Variants in GAP43 observed in about 807,000 individuals in gnomAD.
GAP43 encodes growth associated protein 43, also known as neuromodulin.
A neutral mutation model predicts 18.6 loss-of-function variants in GAP43; 6 were observed. That is an observed-to-expected ratio of 0.32 (90% CI 0.18 to 0.64). The LOEUF (loss-of-function observed/expected upper bound fraction) is 0.64, where lower values mean the gene tolerates loss of function less well. Among genes scored for constraint, GAP43 ranks in the 30% least tolerant of loss-of-function variants. GAP43 has a pLI of 0.78. For missense variants in GAP43, 292 were observed against 295.5 expected, an observed-to-expected ratio of 0.99 and a Z score of 0.09; for synonymous variants, 115 against 111.4, an observed-to-expected ratio of 1.03 and a Z score of -0.20.
chr3:115,693,720 G>A (rs1292556479), intron 2 of GAP43, among the ~76,000 whole-genome samples: 2 of 144,254 alleles, frequency 1.4e-5, no homozygotes, highest in African/African-American at 5.1e-5. Context: ...GAAACCGAAA[G>A]AGAGAAGAGT....
intron 2 of GAP43, among the ~76,000 whole-genome samples, chr3:115,703,475 G>T (rs1709322330): frequency 6.6e-6 from 1 of 152,076 alleles, no homozygotes; most frequent in South Asian, 2.1e-4. Flanking sequence ...TGGAATGCCT[G>T]TTAAAGTAGA....
At chr3:115,651,236 G>A (rs555308987) in intron 1 of GAP43, among the ~76,000 whole-genome samples, 68 of 152,262 alleles carry the variant, frequency 4.5e-4, no homozygotes, top group Non-Finnish European at 5.4e-4. Context: ...AATGAAGCAT[G>A]GTCAGTGGAG....
At chr3:115,707,576 C>T (rs1409454345) in intron 2 of GAP43, among the ~76,000 whole-genome samples, 1 of 152,202 alleles carries the variant, frequency 6.6e-6, no homozygotes, top group African/African-American at 2.4e-5. Context: ...CAGGCATCAG[C>T]CACTGCACTC....
intron 2 of GAP43, among the ~76,000 whole-genome samples, chr3:115,709,937 G>A (rs1021542737): frequency 1.3e-5 from 2 of 150,968 alleles, no homozygotes; most frequent in African/African-American, 2.4e-5. Flanking sequence ...TTTATGGCTC[G>A]ATAACTTTTT....
intron 1 of GAP43, among the ~76,000 whole-genome samples, chr3:115,629,552 CA>C (rs1278033646): frequency 6.6e-6 from 1 of 152,074 alleles, no homozygotes; most frequent in Non-Finnish European, 1.5e-5. Context: ...TCTTTGAAGC[CA>C]TTCTTAACCT....
At chr3:115,669,504 C>T (rs937038517) in intron 1 of GAP43, among the ~76,000 whole-genome samples, 2 of 152,160 alleles carry the variant, frequency 1.3e-5, no homozygotes, top group South Asian at 4.1e-4. Flanking sequence ...GTAAAATAGA[C>T]AAGGTACTTC....
intron 1 of GAP43, among the ~76,000 whole-genome samples, chr3:115,654,570 G>A (rs1371422264): frequency 6.6e-6 from 1 of 152,130 alleles, no homozygotes. Context: ...ATCACACACA[G>A]TCACACTTTC....
chr3:115,678,745 G>GC (rs1708923671), intron 2 of GAP43, among the ~76,000 whole-genome samples: 1 of 151,984 alleles, frequency 6.6e-6, no homozygotes, highest in Non-Finnish European at 1.5e-5. Flanking sequence ...TTTATCATGG[G>GC]CATTCAAAGG....
intron 1 of GAP43, chr3:115,663,671 C>G: frequency 6.9e-7 from 1 of 1,441,622 alleles, no homozygotes; most frequent in Non-Finnish European, 9.1e-7. Context: ...TTTATTTCTA[C>G]TTTTCTATTG....
intron 1 of GAP43, among the ~76,000 whole-genome samples, chr3:115,645,447 T>A (rs1320370017): frequency 1.3e-5 from 2 of 151,950 alleles, no homozygotes; most frequent in African/African-American, 2.4e-5. Flanking sequence ...AGGATCAGAG[T>A]GGAAGTGCTG....
At chr3:115,696,009 C>T in intron 2 of GAP43, among the ~76,000 whole-genome samples, 1 of 152,098 alleles carries the variant, frequency 6.6e-6, no homozygotes, top group Non-Finnish European at 1.5e-5. Flanking sequence ...TGAGTTACCC[C>T]ACAGCTAAGT....
chr3:115,691,674 C>T (rs1028911204), intron 2 of GAP43, among the ~76,000 whole-genome samples: 4 of 152,152 alleles, frequency 2.6e-5, no homozygotes, highest in African/African-American at 9.7e-5. Context: ...AAGAGAGACA[C>T]ATAATGATTT....
chr3:115,688,296 G>T (rs1229721604), intron 2 of GAP43, among the ~76,000 whole-genome samples: 1 of 152,044 alleles, frequency 6.6e-6, no homozygotes, highest in African/African-American at 2.4e-5. Context: ...TGGGATTGTA[G>T]GCATAAGCCA....
chr3:115,706,214 G>A (rs1709361222), intron 2 of GAP43, among the ~76,000 whole-genome samples: 1 of 152,038 alleles, frequency 6.6e-6, no homozygotes. Context: ...GCATCTTACC[G>A]TTTTCCTGAA....
Position 115,685,887 on chromosome 3 carries a change from T to C in GAP43, c.628+9277T>C, listed in dbSNP as rs146875230. On this transcript the variant is annotated intron_variant, in intron 2 of 2. Coordinates refer to ENST00000305124, the MANE Select transcript of GAP43 (RefSeq NM_002045.4). ...GATTCATAAGAGAACCTGGCCCCTATTGGAAGATATGTTAGTTTTCTTTTT... is the reference window on the plus strand; with the variant it reads ...GATTCATAAGAGAACCTGGCCCCTACTGGAAGATATGTTAGTTTTCTTTTT... 4.7e-4 allele frequency among the ~76,000 whole-genome samples: 72 copies of C among 152,306 alleles called. 1 individual carries two copies. Among genetic ancestry groups the C allele is most frequent in the South Asian group, 1.0e-3 (5 of 4,832 alleles).
intron 1 of GAP43, among the ~76,000 whole-genome samples, chr3:115,630,043 C>A (rs1379289691): frequency 2.0e-5 from 3 of 152,128 alleles, no homozygotes; most frequent in East Asian, 3.9e-4. Flanking sequence ...TCCTCCTCGT[C>A]CAACAACCAA....
intron 1 of GAP43, among the ~76,000 whole-genome samples, chr3:115,628,219 T>G (rs1007780486): frequency 6.6e-6 from 1 of 151,992 alleles, no homozygotes; most frequent in Non-Finnish European, 1.5e-5. Flanking sequence ...CTTCTGCTTG[T>G]GCTCTTGCTC....
intron 1 of GAP43, among the ~76,000 whole-genome samples, chr3:115,629,475 C>T (rs1708235281): frequency 6.6e-6 from 1 of 151,606 alleles, no homozygotes. Context: ...GCTTGTACTC[C>T]ACTCTCTGCC....
intron 1 of GAP43, among the ~76,000 whole-genome samples, chr3:115,626,790 T>C (rs1708192978): frequency 6.6e-6 from 1 of 152,124 alleles, no homozygotes; most frequent in Non-Finnish European, 1.5e-5. Flanking sequence ...TATCTGCTTT[T>C]TTCCTCATGC....
Sources: gnomAD v4.1 joint callset for allele counts (sites outside exome capture counted in the v4.1 genomes callset) on GRCh38, gnomAD v4.1.1 for gene constraint, MANE v1.5 for transcripts, NCBI Gene and HGNC (gene_info 2026-07-23, HGNC 2026-07-21) for gene names.